The following IQGAP1 variants were observed in gnomAD, a reference collection of about 807,000 sequenced individuals.
IQGAP1 encodes ras GTPase-activating-like protein IQGAP1.
IQGAP1 carries 66 observed loss-of-function variants against 215.6 expected under a neutral mutation model. The observed-to-expected ratio is 0.31, with a 90% CI of 0.25 to 0.38. The LOEUF is 0.38. IQGAP1 is among the 10% of genes least tolerant of loss of function. IQGAP1 has a pLI of 1.00. For synonymous variants in IQGAP1, 772 were observed against 728.7 expected (o/e 1.06, Z -0.96); for missense variants, 1,712 against 1,997.1 (o/e 0.86, Z 2.72).
At chr15:90,402,245 T>C (rs1596249059) in intron 2 of IQGAP1, among the ~76,000 whole-genome samples, 1 of 152,248 alleles carries the variant, frequency 6.6e-6, no homozygotes, top group Non-Finnish European at 1.5e-5. Context: ...TAACCTGGTA[T>C]CTGCTTTGAA....
chr15:90,452,129 A>G lies in IQGAP1; in HGVS notation c.1163-646A>G, dbSNP rs146041619. ...AAGCGTGAGCCACCGTGCCTGGCCA[A>G]GTTACTCCAGTTTTAAAGGTAGAAC... On this transcript the variant is annotated intron_variant, in intron 11 of 37. Transcript: ENST00000268182. 5.3e-5 allele frequency among the ~76,000 whole-genome samples: 8 copies of G among 152,272 alleles called. No individual in the cohort carries two copies. The East Asian group carries it at 5.8e-4, about 11-fold the overall frequency.
intron 18 of IQGAP1, among the ~76,000 whole-genome samples, chr15:90,468,444 A>G (rs1965861445): frequency 1.3e-5 from 2 of 152,244 alleles, no homozygotes; most frequent in African/African-American, 2.4e-5. Context: ...TGAACCAAAC[A>G]AAGTCTCTGC....
Position 90,443,545 on chromosome 15 carries a change from T to A in IQGAP1, c.913+67T>A, listed in dbSNP as rs1364885918. The A allele has an allele frequency of 4.8e-5, 44 of 912,602 alleles. 1 individual carries two copies. In the Admixed American group the frequency reaches 9.0e-4, roughly 19 times the overall value. The allele number at this position is 912,602 out of a possible 1,614,324, so 56.5% of individuals were successfully genotyped here. A position where few individuals can be genotyped will look rare whatever the true frequency, so the allele number is the denominator to read the frequency against. Reference sequence around the variant, plus strand: ...ATATAATGTGAATGTTGATCTATTCTGGGACTTACAACATAGTTTGATTTA... The same window carrying A: ...ATATAATGTGAATGTTGATCTATTCAGGGACTTACAACATAGTTTGATTTA... On this transcript the variant is annotated intron_variant, in intron 9 of 37. Coordinates refer to ENST00000268182, the MANE Select transcript of IQGAP1 (RefSeq NM_003870.4).
At chr15:90,482,805 C>G (rs1966077950) in intron 28 of IQGAP1, 1 of 770,568 alleles carries the variant, frequency 1.3e-6, no homozygotes, top group Admixed American at 5.4e-5. Flanking sequence ...TGTGACTGCC[C>G]CTGAATTCTT....
chr15:90,492,918 G>A (rs1450933965), intron 35 of IQGAP1, among the ~76,000 whole-genome samples: 1 of 152,064 alleles, frequency 6.6e-6, no homozygotes, highest in Non-Finnish European at 1.5e-5. Flanking sequence ...GGATTTCATG[G>A]ATGCTTATCG....
intron 17 of IQGAP1, among the ~76,000 whole-genome samples, chr15:90,466,813 C>T (rs1021948103): frequency 7.2e-5 from 11 of 152,266 alleles, no homozygotes; most frequent in Middle Eastern, 3.4e-3. Flanking sequence ...AAAACTGGGC[C>T]GGGTGCGGTG....
At chr15:90,474,372 C>A in intron 22 of IQGAP1, 113 bp from the exon 23 acceptor site, 1 of 904,686 alleles carries the variant, frequency 1.1e-6, no homozygotes, top group Non-Finnish European at 1.8e-6. Context: ...GTTGTCTTAG[C>A]ACATCTCAAA....
At position 90,441,479 on chromosome 15, in the gene IQGAP1, GGTTT is replaced by G. The variant is rs772749331; in HGVS notation, c.650-22_650-19del. 83 of 1,577,224 alleles carry G rather than the reference GGTTT, an allele frequency of 5.3e-5. 1 individual carries two copies. The highest frequency in any genetic ancestry group is 6.0e-5 in the Non-Finnish European group (69 of 1,154,956). ...TCTATATAATCTCAGTGTTTTTGTT[GGTTT>G]GTTTTTTTGTTTTTTTTTTTAGTAC... is the stretch of plus-strand genomic sequence containing the variant. On this transcript the variant is annotated intron_variant, in intron 7 of 37. Transcript: ENST00000268182.
intron 36 of IQGAP1, among the ~76,000 whole-genome samples, chr15:90,496,265 T>G (rs1966271486): frequency 6.6e-6 from 1 of 150,454 alleles, no homozygotes. Flanking sequence ...TCTGGAAATC[T>G]GGGGTGCTAT....
At chr15:90,455,849 A>T (rs1468460256) in intron 14 of IQGAP1, among the ~76,000 whole-genome samples, 1 of 152,246 alleles carries the variant, frequency 6.6e-6, no homozygotes, top group African/African-American at 2.4e-5. Context: ...TACACATTCC[A>T]GTGTACCTGA....
rs1465128229 is a variant in IQGAP1 at position 90,501,984 on chromosome 15, T to C, written c.*1876T>C. The C allele has an allele frequency of 1.3e-5, 2 of 152,602 alleles. No homozygotes were observed. Among genetic ancestry groups the C allele is most frequent in the Admixed American group, 6.5e-5 (1 of 15,286 alleles). The allele number at this position is 152,602 out of a possible 1,614,324, so 9.5% of individuals were successfully genotyped here. On this transcript the variant is annotated 3_prime_UTR_variant, in exon 38 of 38. Coordinates refer to ENST00000268182, the MANE Select transcript of IQGAP1 (RefSeq NM_003870.4). ...TTCAAGAATGTTGATGATGATGATATAGAATTGTGGCTTTAGTAGCACAGA... is the reference window on the plus strand; with the variant it reads ...TTCAAGAATGTTGATGATGATGATACAGAATTGTGGCTTTAGTAGCACAGA...
Position 90,473,015 on chromosome 15 carries a change from T to C in IQGAP1, c.2349+5T>C, listed in dbSNP as rs1163578207. 2 of 1,613,366 alleles carry C rather than the reference T, an allele frequency of 1.2e-6. No individual in the cohort carries two copies. Among genetic ancestry groups the C allele is most frequent in the South Asian group, 2.2e-5 (2 of 90,986 alleles). The stretch of plus-strand genomic sequence containing the variant: ...CCTGCCATCACCTGCATTCAGGTAT[T>C]TCAGAACCTATCACACAGACAGCAA... On this transcript the variant is annotated splice_donor_5th_base_variant and intron_variant, in intron 19 of 37. Transcript: ENST00000268182.
intron 15 of IQGAP1, among the ~76,000 whole-genome samples, chr15:90,459,624 T>G (rs1965733714): frequency 1.3e-5 from 2 of 152,244 alleles, no homozygotes; most frequent in Non-Finnish European, 2.9e-5. Context: ...GAAAAATTGC[T>G]TAACATTGCC....
chr15:90,410,389 A>G (rs1964942454), intron 2 of IQGAP1, among the ~76,000 whole-genome samples: 2 of 152,216 alleles, frequency 1.3e-5, no homozygotes. Context: ...ATGCGCACGT[A>G]TGTTTACTGC....
rs1265687903 is a variant in IQGAP1 at position 90,456,334 on chromosome 15, G to A, written c.1776+19G>A. 3.1e-6 allele frequency: 5 copies of A among 1,612,842 alleles called. No homozygotes were observed. The highest frequency in any genetic ancestry group is 2.7e-5 in the African/African-American group (2 of 74,850). ...AGCCCAGGTGAGTGGCATCGGAATT[G>A]TTCTTTATGTTCAGAGCACCTCAGC... On this transcript the variant is annotated intron_variant, in intron 15 of 37. Coordinates refer to ENST00000268182, the MANE Select transcript of IQGAP1 (RefSeq NM_003870.4).
chr15:90,447,621 G>A (rs541862156), intron 9 of IQGAP1, among the ~76,000 whole-genome samples: 2 of 151,996 alleles, frequency 1.3e-5, no homozygotes, highest in East Asian at 3.8e-4. Context: ...ATAAGGAAAC[G>A]GAAAGTAAAA....
intron 15 of IQGAP1, among the ~76,000 whole-genome samples, chr15:90,463,398 T>C (rs746252652): frequency 6.6e-6 from 1 of 152,214 alleles, no homozygotes. Flanking sequence ...CTTGATTCTG[T>C]GGAAATGCTT....
At chr15:90,461,999 AG>A (rs1965769495) in intron 15 of IQGAP1, among the ~76,000 whole-genome samples, 3 of 15,180 alleles carry the variant, frequency 2.0e-4, no homozygotes, top group East Asian at 7.8e-3. Context: ...AAAAAAAAAA[AG>A]AAAAAAAAAA....
intron 35 of IQGAP1, chr15:90,494,425 T>G (rs946740321): frequency 3.0e-5 from 6 of 200,736 alleles, no homozygotes; most frequent in Non-Finnish European, 5.0e-5. Context: ...ACTTGTTAGG[T>G]ACTTAAGTTC....
Sources: gnomAD v4.1 joint callset for allele counts (sites outside exome capture counted in the v4.1 genomes callset) on GRCh38, gnomAD v4.1.1 for gene constraint, MANE v1.5 for transcripts, NCBI Gene and HGNC (gene_info 2026-07-23, HGNC 2026-07-21) for gene names.